The following KLHL1 variants were observed in gnomAD, a reference collection of about 807,000 sequenced individuals.
The protein encoded by KLHL1 is kelch like family member 1, also known as kelch-like protein 1.
KLHL1 carries 47 observed loss-of-function variants against 77.7 expected under a neutral mutation model. The observed-to-expected ratio is 0.60, with a 90% confidence interval of 0.48 to 0.77. The LOEUF (loss-of-function observed/expected upper bound fraction) is 0.77. Among genes scored for constraint, KLHL1 ranks in the 30% least tolerant of loss-of-function variants. The pLI is 0.00. For missense variants in KLHL1, 925 were observed against 910.8 expected (o/e 1.02, Z -0.20); for synonymous variants, 360 against 325.2 (o/e 1.11, Z -1.15).
intron 1 of KLHL1, among the ~76,000 whole-genome samples, chr13:69,981,235 T>C (rs147989534): frequency 1.3e-5 from 2 of 152,224 alleles, no homozygotes; most frequent in East Asian, 3.9e-4. Context: ...AAAATTACAC[T>C]AAATATAGTA....
chr13:70,001,374 AT>A (rs1247289056), intron 1 of KLHL1, among the ~76,000 whole-genome samples: 2 of 151,304 alleles, frequency 1.3e-5, no homozygotes. Context: ...AAGAAAAAAA[AT>A]AGAAGTATTT....
chr13:70,037,478 G>A (rs921564594), intron 1 of KLHL1, among the ~76,000 whole-genome samples: 6 of 151,610 alleles, frequency 4.0e-5, no homozygotes, highest in Admixed American at 2.0e-4. Flanking sequence ...TTATATACCC[G>A]GCTTTATTTC....
intron 1 of KLHL1, among the ~76,000 whole-genome samples, chr13:70,094,381 A>G (rs912232252): frequency 6.6e-6 from 1 of 150,542 alleles, no homozygotes; most frequent in East Asian, 1.9e-4. Flanking sequence ...AACAAATACA[A>G]TGCAATCATC....
chr13:69,984,374 G>T (rs1239219377), intron 1 of KLHL1, among the ~76,000 whole-genome samples: 1 of 152,118 alleles, frequency 6.6e-6, no homozygotes, highest in African/African-American at 2.4e-5. Flanking sequence ...CTACCTAGAG[G>T]CCAGGCATGT....
intron 7 of KLHL1, among the ~76,000 whole-genome samples, chr13:69,751,289 A>G (rs1436382237): frequency 3.9e-5 from 6 of 152,044 alleles, no homozygotes. Context: ...TCATCAATCC[A>G]TATTTCCAAT....
chr13:69,945,743 A>G (rs1038988824), intron 3 of KLHL1, among the ~76,000 whole-genome samples: 2 of 152,154 alleles, frequency 1.3e-5, no homozygotes, highest in Non-Finnish European at 2.9e-5. Flanking sequence ...TGCTTGTGGA[A>G]ATGTGAAATG....
At chr13:69,809,288 A>G (rs574475357) in intron 6 of KLHL1, among the ~76,000 whole-genome samples, 1 of 152,334 alleles carries the variant, frequency 6.6e-6, no homozygotes, top group East Asian at 1.9e-4. Context: ...AAAGAAAAAA[A>G]TATTGAAGGC....
intron 3 of KLHL1, among the ~76,000 whole-genome samples, chr13:69,955,107 A>G (rs1331787205): frequency 1.3e-5 from 2 of 151,206 alleles, no homozygotes; most frequent in Non-Finnish European, 1.5e-5. Flanking sequence ...CTAATAATGT[A>G]CTAATGTGCT....
At chr13:69,762,101 A>G (rs1309687620) in intron 7 of KLHL1, among the ~76,000 whole-genome samples, 2 of 152,176 alleles carry the variant, frequency 1.3e-5, no homozygotes, top group African/African-American at 4.8e-5. Context: ...CAGTAGCTAA[A>G]AGGTTATCAG....
intron 5 of KLHL1, among the ~76,000 whole-genome samples, chr13:69,877,041 A>C (rs917510158): frequency 7.2e-5 from 11 of 152,140 alleles, no homozygotes; most frequent in Non-Finnish European, 1.5e-4. Context: ...CTGTCCAAAA[A>C]AAAAAAGATA....
chr13:69,798,991 A>G (rs1877254667), intron 6 of KLHL1, among the ~76,000 whole-genome samples: 2 of 152,172 alleles, frequency 1.3e-5, no homozygotes, highest in East Asian at 1.9e-4. Flanking sequence ...CAGGAGGCTA[A>G]GGCAAGAGAA....
intron 2 of KLHL1, among the ~76,000 whole-genome samples, chr13:69,966,016 G>T (rs1201813815): frequency 6.6e-6 from 1 of 152,050 alleles, no homozygotes; most frequent in Non-Finnish European, 1.5e-5. Flanking sequence ...CAAGTGGGTT[G>T]GTGCAAAAGT....
At chr13:69,926,957 A>AAAAAAC (rs1882836960) in intron 4 of KLHL1, among the ~76,000 whole-genome samples, 1 of 148,634 alleles carries the variant, frequency 6.7e-6, no homozygotes, top group Non-Finnish European at 1.5e-5. Context: ...AAAAAAAAAA[A>AAAAAAC]AAAAAAAAAA....
chr13:69,901,159 A>G (rs1333060135), intron 4 of KLHL1, among the ~76,000 whole-genome samples: 1 of 152,260 alleles, frequency 6.6e-6, no homozygotes, highest in Admixed American at 6.5e-5. Flanking sequence ...GCACTGGTTA[A>G]ATGCAAAGAC....
chr13:69,959,283 C>T (rs1883991828), intron 3 of KLHL1, among the ~76,000 whole-genome samples: 1 of 151,890 alleles, frequency 6.6e-6, no homozygotes. Flanking sequence ...GACCATGGAG[C>T]CTGGAAGTGT....
At chr13:69,831,080 G>GA (rs72493464) in intron 6 of KLHL1, among the ~76,000 whole-genome samples, 47 of 138,624 alleles carry the variant, frequency 3.4e-4, no homozygotes, top group African/African-American at 8.7e-4. Flanking sequence ...CCCAGTAGAA[G>GA]AAAAAAAAAA....
At chr13:69,912,702 A>T (rs1593942480) in intron 4 of KLHL1, among the ~76,000 whole-genome samples, 1 of 152,104 alleles carries the variant, frequency 6.6e-6, no homozygotes. Flanking sequence ...CCATTAGGCC[A>T]AGTCACCGCC....
intron 7 of KLHL1, among the ~76,000 whole-genome samples, chr13:69,753,575 T>G (rs1874578581): frequency 6.6e-6 from 1 of 152,196 alleles, no homozygotes; most frequent in African/African-American, 2.4e-5. Flanking sequence ...TAGATTTTAT[T>G]TTTCAATATG....
chr13:70,080,428 T>A (rs1887366078), intron 1 of KLHL1, among the ~76,000 whole-genome samples: 1 of 152,220 alleles, frequency 6.6e-6, no homozygotes. Context: ...TCTTTCTATA[T>A]CTACCAGATA....
Sources: gnomAD v4.1 joint callset for allele counts (sites outside exome capture counted in the v4.1 genomes callset) on GRCh38, gnomAD v4.1.1 for gene constraint, MANE v1.5 for transcripts, NCBI Gene and HGNC (gene_info 2026-07-23, HGNC 2026-07-21) for gene names.